Variants in CPNE8 observed in about 807,000 individuals in gnomAD.
The protein encoded by CPNE8 is copine-8.
CPNE8 carries 45 observed loss-of-function variants against 81.5 expected under a neutral mutation model. The ratio of observed to expected loss-of-function variants is 0.55; its 90% confidence interval spans 0.44 to 0.71. The LOEUF is 0.71. CPNE8 is among the 30% of genes least tolerant of loss of function. The pLI is 0.00. For missense variants in CPNE8, 594 were observed against 672.1 expected (o/e 0.88, Z 1.28); for synonymous variants, 252 against 226.3 (o/e 1.11, Z -1.02).
chr12:38,797,685 C>T (rs997014371), intron 6 of CPNE8, among the ~76,000 whole-genome samples: 8 of 152,150 alleles, frequency 5.3e-5, no homozygotes, highest in African/African-American at 1.9e-4. Context: ...AGCAACAGAA[C>T]AAAGCTGGAC....
chr12:38,706,493 A>T (rs1940110746), intron 13 of CPNE8, among the ~76,000 whole-genome samples: 1 of 152,180 alleles, frequency 6.6e-6, no homozygotes, highest in African/African-American at 2.4e-5. Context: ...TCTGGATATA[A>T]TCTCATGCTT....
chr12:38,815,711 C>A (rs947081236), intron 6 of CPNE8, among the ~76,000 whole-genome samples: 1 of 151,974 alleles, frequency 6.6e-6, no homozygotes, highest in Non-Finnish European at 1.5e-5. Context: ...CATCTGTTAC[C>A]CGGTAATTTT....
At position 38,658,826 on chromosome 12, in the gene CPNE8, A is replaced by T. The variant is rs1029779561; in HGVS notation, c.1507-4756T>A. On this transcript the variant is annotated intron_variant, in intron 19 of 19. Coordinates refer to ENST00000331366, the MANE Select transcript of CPNE8 (RefSeq NM_153634.3). ...GCTTCATAAGTGAAGGAGAAATAAAAACCTTTACAGGCAAGCACATGCTGA... is the reference window on the plus strand; with the variant it reads ...GCTTCATAAGTGAAGGAGAAATAAATACCTTTACAGGCAAGCACATGCTGA... Among the ~76,000 whole-genome samples, 15 of 152,168 alleles carry T rather than the reference A, an allele frequency of 9.9e-5. No individual in the cohort carries two copies. In the East Asian group the frequency reaches 2.7e-3, roughly 27 times the overall value.
chr12:38,886,116 C>A (rs1472042020), intron 1 of CPNE8, among the ~76,000 whole-genome samples: 3 of 152,168 alleles, frequency 2.0e-5, no homozygotes, highest in African/African-American at 7.2e-5. Context: ...ATAATTCTGG[C>A]ACCCAAGAAG....
At chr12:38,795,619 C>A (rs1942441985) in intron 6 of CPNE8, among the ~76,000 whole-genome samples, 1 of 151,988 alleles carries the variant, frequency 6.6e-6, no homozygotes, top group African/African-American at 2.4e-5. Context: ...ATAAGCCAGT[C>A]ACAGAAGATA....
At chr12:38,780,019 C>T (rs1002891067) in intron 6 of CPNE8, among the ~76,000 whole-genome samples, 1 of 152,024 alleles carries the variant, frequency 6.6e-6, no homozygotes, top group Non-Finnish European at 1.5e-5. Context: ...CCTCTATTTT[C>T]TCTTCCAGGA....
At chr12:38,788,857 T>A (rs1565615946) in intron 6 of CPNE8, among the ~76,000 whole-genome samples, 1 of 151,712 alleles carries the variant, frequency 6.6e-6, no homozygotes, top group African/African-American at 2.4e-5. Context: ...CTATTTACAG[T>A]AGCCACAAAA....
chr12:38,862,718 G>C (rs965433652), intron 3 of CPNE8, among the ~76,000 whole-genome samples: 2 of 152,306 alleles, frequency 1.3e-5, no homozygotes, highest in East Asian at 3.9e-4. Context: ...GGAGGCCGAG[G>C]CAGGTGGTTC....
intron 10 of CPNE8, among the ~76,000 whole-genome samples, chr12:38,750,748 A>T (rs1432820795): frequency 6.6e-6 from 1 of 152,206 alleles, no homozygotes; most frequent in Non-Finnish European, 1.5e-5. Flanking sequence ...GGCAGAAGGG[A>T]CTTGCCTTGT....
chr12:38,905,464 G>A lies in CPNE8; in HGVS notation c.71C>T (p.Thr24Met). 1 of 1,572,462 alleles carries A rather than the reference G, an allele frequency of 6.4e-7. No individual in the cohort carries two copies. The highest frequency in any genetic ancestry group is 8.6e-7 in the Non-Finnish European group (1 of 1,158,802). The stretch of plus-strand genomic sequence containing the variant: ...GCAGGACACGGACACCTCCACCCGC[G>A]TGGCCGGGATGGCAGCGCTCAGCTG... ...LNQLSAAIPA[T>M]RVEVSVSCRN... The change falls in exon 1 of 20, where the codon ACG (threonine) becomes ATG (methionine). Residue 24 changes from threonine to methionine, a missense_variant. Thr to Met is a moderately conservative substitution (Grantham distance 81). Coordinates refer to ENST00000331366, the MANE Select transcript of CPNE8 (RefSeq NM_153634.3).
chr12:38,878,313 C>T (rs1361951308), intron 1 of CPNE8, among the ~76,000 whole-genome samples: 1 of 152,092 alleles, frequency 6.6e-6, no homozygotes, highest in African/African-American at 2.4e-5. Flanking sequence ...TGGATCGGGA[C>T]ACCTTTCTAG....
chr12:38,713,151 G>C (rs1430972591), intron 13 of CPNE8, among the ~76,000 whole-genome samples: 2 of 152,142 alleles, frequency 1.3e-5, no homozygotes, highest in Admixed American at 1.3e-4. Flanking sequence ...CAAATTCTTT[G>C]CCACTACTAT....
intron 16 of CPNE8, chr12:38,679,625 C>T (rs1044422010): frequency 2.3e-5 from 23 of 984,976 alleles, no homozygotes; most frequent in South Asian, 1.9e-4. Context: ...TTATCACCTT[C>T]GGCACCACAA....
At chr12:38,830,103 C>G (rs528178201) in intron 5 of CPNE8, among the ~76,000 whole-genome samples, 1 of 152,072 alleles carries the variant, frequency 6.6e-6, no homozygotes, top group African/African-American at 2.4e-5. Flanking sequence ...TATACTATAA[C>G]GTTCATTAAC....
intron 3 of CPNE8, among the ~76,000 whole-genome samples, chr12:38,870,302 G>A (rs916249081): frequency 2.0e-5 from 3 of 152,158 alleles, no homozygotes; most frequent in East Asian, 1.9e-4. Flanking sequence ...ATACCCAAAG[G>A]ATTATAACTC....
At chr12:38,817,824 T>C (rs761289839) in intron 6 of CPNE8, among the ~76,000 whole-genome samples, 1 of 151,866 alleles carries the variant, frequency 6.6e-6, no homozygotes, top group Non-Finnish European at 1.5e-5. Context: ...AGGGTTTCAC[T>C]GTGTTAGCCA....
In CPNE8 at chr12:38,759,250, G is replaced by A. The variant is rs566800568; in HGVS notation, c.722+1597C>T. 1.3e-3 allele frequency among the ~76,000 whole-genome samples: 193 copies of A among 152,216 alleles called. 1 individual carries two copies. Among genetic ancestry groups the A allele is most frequent in the African/African-American group, 4.4e-3 (182 of 41,530 alleles). ...CACTTTTTGTTTCTAAATGGGAAAT[G>A]GGTTAAAAATTACTAGGGAAAAGCC... On this transcript the variant is annotated intron_variant, in intron 10 of 19. Transcript: ENST00000331366.
chr12:38,831,384 A>G (rs1206928044), intron 5 of CPNE8, among the ~76,000 whole-genome samples: 1 of 152,126 alleles, frequency 6.6e-6, no homozygotes, highest in Non-Finnish European at 1.5e-5. Flanking sequence ...TTGCAGAGTG[A>G]TTTCAGGAAT....
chr12:38,883,318 GAA>G (rs1347287736), intron 1 of CPNE8, among the ~76,000 whole-genome samples: 4 of 152,006 alleles, frequency 2.6e-5, no homozygotes, highest in African/African-American at 9.7e-5. Flanking sequence ...ATATCATTCA[GAA>G]CAAAATGAAA....
Sources: gnomAD v4.1 joint callset for allele counts (sites outside exome capture counted in the v4.1 genomes callset) on GRCh38, gnomAD v4.1.1 for gene constraint, MANE v1.5 for transcripts, NCBI Gene and HGNC (gene_info 2026-07-23, HGNC 2026-07-21) for gene names.